The following EBPL variants were observed in gnomAD, a reference collection of about 807,000 sequenced individuals.
EBPL encodes EBP like.
Under a neutral mutation model 19.0 loss-of-function variants are expected in EBPL, and 20 were observed. That is an observed-to-expected ratio of 1.05 (90% CI 0.74 to 1.53). The LOEUF (loss-of-function observed/expected upper bound fraction) is 1.53. Among genes scored for constraint, EBPL ranks in the 40% most tolerant of loss-of-function variants. The pLI is 0.00. For synonymous variants in EBPL, 107 were observed against 117.0 expected, an observed-to-expected ratio of 0.91 and a Z score of 0.55; for missense variants, 219 against 261.1, an observed-to-expected ratio of 0.84 and a Z score of 1.11.
intron 2 of EBPL, among the ~76,000 whole-genome samples, chr13:49,669,028 C>T (rs928772511): frequency 1.3e-5 from 2 of 151,682 alleles, no homozygotes; most frequent in South Asian, 2.1e-4. Flanking sequence ...TACAGGGGCC[C>T]GCCACCACGC....
chr13:49,663,250 A>C, intron 2 of EBPL, 55 bp from the exon 3 acceptor site: 1 of 1,601,050 alleles, frequency 6.2e-7, no homozygotes, highest in Non-Finnish European at 8.6e-7. Flanking sequence ...ATGACAGTTC[A>C]TGGAAATGAC....
rs1965174799 is a variant in EBPL at position 49,663,211 on chromosome 13, A to G, written c.242-16T>C. 1 of 1,611,748 alleles carries G rather than the reference A, an allele frequency of 6.2e-7. No homozygotes were observed. Among genetic ancestry groups the G allele is most frequent in the Non-Finnish European group, 8.5e-7 (1 of 1,177,922 alleles). ...TATTCTTTCCCTAAAGACAAAATCC[A>G]TGTTGTTACTCAAATGGCAACAATT... On this transcript the variant is annotated splice_polypyrimidine_tract_variant and intron_variant, in intron 2 of 3. Transcript: ENST00000242827.
chr13:49,686,705 C>G (rs1052346706), intron 1 of EBPL: 1 of 1,069,848 alleles, frequency 9.3e-7, no homozygotes, highest in Non-Finnish European at 1.2e-6. Flanking sequence ...GCTATCTCCC[C>G]CAACTCAGAA....
At chr13:49,679,900 T>C (rs1321249810) in intron 1 of EBPL, among the ~76,000 whole-genome samples, 1 of 151,226 alleles carries the variant, frequency 6.6e-6, no homozygotes, top group Non-Finnish European at 1.5e-5. Context: ...TATATATTAG[T>C]CAATATATGT....
intron 1 of EBPL, among the ~76,000 whole-genome samples, 198 bp downstream of exon 1, chr13:49,691,056 G>C (rs562422904): frequency 6.6e-6 from 1 of 152,356 alleles, no homozygotes; most frequent in Non-Finnish European, 1.5e-5. Context: ...AAGGTAAGCT[G>C]CGCTCTGTTC....
rs893014688 is a variant in EBPL at position 49,663,171 on chromosome 13, G to A, written c.266C>T (p.Ala89Val). The A allele has an allele frequency of 5.0e-6, 8 of 1,614,022 alleles. No individual in the cohort carries two copies. In the African/African-American group the frequency reaches 6.7e-5, roughly 13 times the overall value. ...SLWKEYGKAD[A>V]RWVYFDPTIV... ...GGTTGGATCAAAATAAACCCATCTTGCATCAGCTTTGCCATATTCTTTCCC... is the reference window on the plus strand; with the variant it reads ...GGTTGGATCAAAATAAACCCATCTTACATCAGCTTTGCCATATTCTTTCCC... The change falls in exon 3 of 4, where the codon GCA (alanine) becomes GTA (valine). Residue 89 changes from alanine to valine, a missense_variant. Ala to Val is a moderately conservative substitution (Grantham distance 64, BLOSUM62 0). Transcript: ENST00000242827.
At chr13:49,671,417 G>A (rs1235842038) in intron 1 of EBPL, among the ~76,000 whole-genome samples, 1 of 152,090 alleles carries the variant, frequency 6.6e-6, no homozygotes, top group Non-Finnish European at 1.5e-5. Context: ...GGGATTACAG[G>A]TGTGAGTCAC....
At chr13:49,668,787 T>C (rs555062816) in intron 2 of EBPL, among the ~76,000 whole-genome samples, 373 of 152,042 alleles carry the variant, frequency 2.5e-3, no homozygotes, top group African/African-American at 8.6e-3. Context: ...ACCACAAATA[T>C]ATATGTACAA....
chr13:49,661,241 C>T (rs1466060720), intron 3 of EBPL, 33 bp from the exon 4 acceptor site: 27 of 1,559,004 alleles, frequency 1.7e-5, no homozygotes, highest in Non-Finnish European at 2.4e-5. Context: ...GGATGAACCA[C>T]CAGCTTGGCA....
Position 49,669,777 on chromosome 13 carries a change from A to G in EBPL, c.241T>C (p.Trp81Arg). 2.5e-6 allele frequency: 4 copies of G among 1,613,882 alleles called. No homozygotes were observed. Among genetic ancestry groups the G allele is most frequent in the Non-Finnish European group, 3.4e-6 (4 of 1,179,748 alleles). The change falls in exon 2 of 4, where the codon TGG (tryptophan) becomes CGG (arginine). Residue 81 changes from tryptophan to arginine, a missense_variant and splice_region_variant. By Grantham distance (101) the Trp-to-Arg change is moderately radical (BLOSUM62 -3). Transcript: ENST00000242827. ...AACGCAAACGTTTTTAATTACTTAC[A>G]TAAAGAAGCAATCAAGCCATCGGAA... ...ANSDGLIASL[W>R]KEYGKADARW...
intron 1 of EBPL, among the ~76,000 whole-genome samples, chr13:49,677,542 A>G (rs1953889911): frequency 6.6e-6 from 1 of 152,222 alleles, no homozygotes; most frequent in South Asian, 2.1e-4. Context: ...TAAAGACGCC[A>G]TGCAAAAACA....
intron 1 of EBPL, among the ~76,000 whole-genome samples, chr13:49,682,442 G>A (rs1026621145): frequency 5.9e-5 from 9 of 152,170 alleles, no homozygotes; most frequent in East Asian, 5.8e-4. Context: ...ATGCTAATCC[G>A]GGTATGGAAT....
chr13:49,671,024 A>G (rs1953810316), intron 1 of EBPL, among the ~76,000 whole-genome samples: 1 of 152,208 alleles, frequency 6.6e-6, no homozygotes, highest in African/African-American at 2.4e-5. Flanking sequence ...AGCATTTACA[A>G]TGTTGTGATT....
At chr13:49,683,133 C>T (rs1953959845) in intron 1 of EBPL, among the ~76,000 whole-genome samples, 1 of 152,032 alleles carries the variant, frequency 6.6e-6, no homozygotes, top group South Asian at 2.1e-4. Context: ...ACTGCCACGC[C>T]TGGCTAATTT....
intron 1 of EBPL, among the ~76,000 whole-genome samples, chr13:49,676,255 G>GT (rs11395507): frequency 0.63 from 96,199 of 151,980 alleles, 32,132 homozygotes; most frequent in East Asian, 0.77. Flanking sequence ...TGAATCTTGA[G>GT]CCCCCCTCCC....
At position 49,669,842 on chromosome 13, in the gene EBPL, C is replaced by T. The variant is rs1254424455; in HGVS notation, c.176G>A (p.Gly59Asp). 2.5e-6 allele frequency: 4 copies of T among 1,613,104 alleles called. No homozygotes were observed. Among genetic ancestry groups the T allele is most frequent in the Non-Finnish European group, 3.4e-6 (4 of 1,179,390 alleles). ...YDALVHFALE[G>D]PFVYLSLVGN... ...TACTAAAGACAAGTAGACAAAAGGG[C>T]CTTCCTAGAGAGGAGAAAATGAAGA... The change falls in exon 2 of 4, where the codon GGC (glycine) becomes GAC (aspartate). Residue 59 changes from glycine (G) to aspartate (D), a missense_variant. This residue lies in a region of EBPL where 170 missense variants were observed against 167.0 expected (regional missense o/e 1.02). Transcript: ENST00000242827.
At chr13:49,662,187 G>A (rs556462557) in intron 3 of EBPL, among the ~76,000 whole-genome samples, 4 of 152,050 alleles carry the variant, frequency 2.6e-5, no homozygotes, top group East Asian at 1.9e-4. Context: ...GAGTAGAGAC[G>A]GGGTTTCACC....
At chr13:49,683,757 G>C (rs990213726) in intron 1 of EBPL, among the ~76,000 whole-genome samples, 1 of 152,136 alleles carries the variant, frequency 6.6e-6, no homozygotes, top group Non-Finnish European at 1.5e-5. Flanking sequence ...CAATGCTAGT[G>C]GGAATGCACA....
chr13:49,691,456 C>A lies in EBPL; in HGVS notation c.-32G>T. 1 of 1,306,828 alleles carries A rather than the reference C, an allele frequency of 7.7e-7. No individual in the cohort carries two copies. The highest frequency in any genetic ancestry group is 9.7e-7 in the Non-Finnish European group (1 of 1,026,786). The allele number at this position is 1,306,828 out of a possible 1,614,324, so 81.0% of individuals were successfully genotyped here. On this transcript the variant is annotated 5_prime_UTR_variant, in exon 1 of 4. Transcript: ENST00000242827. Reference sequence around the variant, plus strand: ...GGCTTCCGACGCCAACGGCCCAGGACCATGCGGCAGAGGAAAGCAGGGAGA... The same window carrying A: ...GGCTTCCGACGCCAACGGCCCAGGAACATGCGGCAGAGGAAAGCAGGGAGA...
Sources: allele counts gnomAD v4.1 joint callset (sites outside exome capture counted in the v4.1 genomes callset), GRCh38; gene constraint gnomAD v4.1.1; regional missense constraint gnomAD v4.1.1; transcripts MANE v1.5; gene names NCBI Gene and HGNC (gene_info 2026-07-23, HGNC 2026-07-21).